The following ERC2 variants were observed in gnomAD, a reference collection of about 807,000 sequenced individuals.
ERC2 encodes ELKS/RAB6-interacting/CAST family member 2, also known as ERC protein 2.
Under a neutral mutation model 114.8 loss-of-function variants are expected in ERC2, and 42 were observed. That is an observed-to-expected ratio of 0.37 (90% CI 0.29 to 0.47). ERC2 has a LOEUF of 0.47. Ranked by LOEUF, ERC2 falls within the 20% of genes least tolerant of loss-of-function variation. The pLI, the probability that ERC2 is intolerant of heterozygous loss-of-function variation, is 0.99. For missense variants in ERC2, 939 were observed against 1,150.7 expected, an observed-to-expected ratio of 0.82 and a Z score of 2.66; for synonymous variants, 454 against 425.5, an observed-to-expected ratio of 1.07 and a Z score of -0.82.
chr3:56,201,350 T>C (rs1380585988), intron 3 of ERC2, among the ~76,000 whole-genome samples: 3 of 152,234 alleles, frequency 2.0e-5, no homozygotes. Context: ...CATTTAGTTT[T>C]ACTTATAAAA....
chr3:55,961,639 C>T (rs1224601014), intron 12 of ERC2, among the ~76,000 whole-genome samples: 1 of 152,144 alleles, frequency 6.6e-6, no homozygotes, highest in Non-Finnish European at 1.5e-5. Flanking sequence ...ATTTCTGGAA[C>T]TGACCCTCAC....
intron 1 of ERC2, among the ~76,000 whole-genome samples, chr3:56,458,512 GTGAAGAA>G (rs1383881162): frequency 1.3e-5 from 2 of 152,154 alleles, no homozygotes; most frequent in African/African-American, 4.8e-5. Context: ...AACAAAAAAG[GTGAAGAA>G]TTCCCCTTGC....
intron 17 of ERC2, among the ~76,000 whole-genome samples, chr3:55,581,456 G>T (rs922651819): frequency 1.3e-5 from 2 of 152,160 alleles, no homozygotes; most frequent in African/African-American, 4.8e-5. Flanking sequence ...TTACCCAGAG[G>T]TGAGGTCTTT....
Position 55,689,455 on chromosome 3 carries a change from A to G in ERC2, c.2848-5596T>C, listed in dbSNP as rs187104722. 5.9e-5 allele frequency among the ~76,000 whole-genome samples: 9 copies of G among 152,336 alleles called. No individual in the cohort carries two copies. In the East Asian group the frequency reaches 1.7e-3, roughly 29 times the overall value. On this transcript the variant is annotated intron_variant, in intron 16 of 17. Coordinates refer to ENST00000288221, the MANE Select transcript of ERC2 (RefSeq NM_015576.3). ...CAACAATATTGTTTGGGAGCTTAAA[A>G]TCAACATCTGCTAAAAGCGGAACCA... is the stretch of plus-strand genomic sequence containing the variant.
intron 1 of ERC2, among the ~76,000 whole-genome samples, chr3:56,466,212 T>C (rs2063539129): frequency 6.6e-6 from 1 of 152,266 alleles, no homozygotes; most frequent in African/African-American, 2.4e-5. Flanking sequence ...AAACCCGGCT[T>C]CTACATGAAA....
chr3:56,245,626 C>T (rs1014862076), intron 3 of ERC2, among the ~76,000 whole-genome samples: 3 of 151,760 alleles, frequency 2.0e-5, no homozygotes, highest in African/African-American at 7.3e-5. Context: ...GCACTGCAAT[C>T]TCCGCCTCCT....
At chr3:56,188,558 G>A (rs1275911406) in intron 3 of ERC2, among the ~76,000 whole-genome samples, 1 of 152,232 alleles carries the variant, frequency 6.6e-6, no homozygotes, top group Non-Finnish European at 1.5e-5. Context: ...AGTTATGGTG[G>A]TGGTGGTGGT....
At chr3:56,010,344 A>G in intron 9 of ERC2, 105 bp downstream of exon 9, 1 of 1,350,108 alleles carries the variant, frequency 7.4e-7, no homozygotes, top group Non-Finnish European at 1.0e-6. Flanking sequence ...ACATTCCCCA[A>G]GCCTTCATAC....
chr3:55,717,441 C>T (rs2064189076), intron 15 of ERC2, among the ~76,000 whole-genome samples: 1 of 152,114 alleles, frequency 6.6e-6, no homozygotes, highest in Non-Finnish European at 1.5e-5. Context: ...CTTCTTTAAC[C>T]TTCTCCTTCA....
chr3:55,784,492 G>A (rs1409419651), intron 14 of ERC2, among the ~76,000 whole-genome samples: 3 of 152,208 alleles, frequency 2.0e-5, no homozygotes, highest in Non-Finnish European at 4.4e-5. Context: ...TCAACAACAT[G>A]ACCTTGTGAC....
chr3:55,604,796 G>A (rs2058570198), intron 17 of ERC2, among the ~76,000 whole-genome samples: 1 of 152,196 alleles, frequency 6.6e-6, no homozygotes, highest in South Asian at 2.1e-4. Context: ...CAAGGAGCTG[G>A]ATGGTAGGGC....
chr3:56,270,993 C>T (rs969173547), intron 3 of ERC2, among the ~76,000 whole-genome samples: 1 of 152,064 alleles, frequency 6.6e-6, no homozygotes, highest in African/African-American at 2.4e-5. Context: ...AAAAACAAAA[C>T]AAAACAAACA....
chr3:55,648,392 A>G (rs1708305797), intron 17 of ERC2, among the ~76,000 whole-genome samples: 1 of 152,172 alleles, frequency 6.6e-6, no homozygotes, highest in South Asian at 2.1e-4. Context: ...ACAGTGCCAC[A>G]TCTCCTAAGA....
chr3:55,558,395 A>G (rs946143763), intron 17 of ERC2, among the ~76,000 whole-genome samples: 2 of 152,226 alleles, frequency 1.3e-5, no homozygotes, highest in Non-Finnish European at 2.9e-5. Context: ...CCTGACCTCA[A>G]AACGTCACTC....
At chr3:55,961,505 G>A (rs1156869920) in intron 12 of ERC2, among the ~76,000 whole-genome samples, 3 of 152,026 alleles carry the variant, frequency 2.0e-5, no homozygotes, top group African/African-American at 7.2e-5. Flanking sequence ...TCCTTGTTCT[G>A]CTATAGGCAC....
intron 3 of ERC2, among the ~76,000 whole-genome samples, chr3:56,266,547 C>G (rs1337730588): frequency 3.3e-5 from 5 of 152,068 alleles, no homozygotes; most frequent in Non-Finnish European, 5.9e-5. Context: ...ATGGAAATAA[C>G]AAATCAAAAC....
At chr3:56,198,481 A>G (rs2048233853) in intron 3 of ERC2, among the ~76,000 whole-genome samples, 1 of 152,182 alleles carries the variant, frequency 6.6e-6, no homozygotes, top group African/African-American at 2.4e-5. Flanking sequence ...GGCCTGAGCT[A>G]TGGCAGATGA....
intron 6 of ERC2, among the ~76,000 whole-genome samples, chr3:56,119,542 T>C (rs1158532539): frequency 2.0e-5 from 3 of 152,222 alleles, no homozygotes; most frequent in Non-Finnish European, 4.4e-5. Context: ...GAACCACCTT[T>C]TACTCTTGCA....
chr3:55,991,421 A>G (rs189551062), intron 11 of ERC2, among the ~76,000 whole-genome samples: 1 of 152,358 alleles, frequency 6.6e-6, no homozygotes, highest in African/African-American at 2.4e-5. Flanking sequence ...CACACTATAC[A>G]TAAATACAAT....
Sources: gnomAD v4.1 joint callset for allele counts (sites outside exome capture counted in the v4.1 genomes callset) on GRCh38, gnomAD v4.1.1 for gene constraint, MANE v1.5 for transcripts, NCBI Gene and HGNC (gene_info 2026-07-23, HGNC 2026-07-21) for gene names.